The following TRPS1 variants were observed in gnomAD, a reference collection of about 807,000 sequenced individuals.
The protein encoded by TRPS1 is zinc finger transcription factor Trps1.
In TRPS1, 6 loss-of-function variants were observed where a neutral mutation model predicts 101.2. The observed-to-expected ratio is 0.06, with a 90% CI of 0.03 to 0.12. TRPS1 has a LOEUF of 0.12. Among genes scored for constraint, TRPS1 ranks in the 10% least tolerant of loss-of-function variants. The probability of loss-of-function intolerance (pLI) is 1.00; values close to 1 mark genes in which losing one functional copy is unlikely to be tolerated. For synonymous variants in TRPS1, 578 were observed against 589.8 expected, an observed-to-expected ratio of 0.98 and a Z score of 0.29; for missense variants, 1,363 against 1,567.0, an observed-to-expected ratio of 0.87 and a Z score of 2.20.
intron 5 of TRPS1, among the ~76,000 whole-genome samples, chr8:115,455,781 T>C (rs955935859): frequency 1.4e-5 from 2 of 147,640 alleles, no homozygotes; most frequent in Admixed American, 6.7e-5. Flanking sequence ...CTTTCTTTTT[T>C]TTTTTTTTTT....
chr8:115,527,999 A>G (rs1478654017), intron 5 of TRPS1, among the ~76,000 whole-genome samples: 3 of 152,172 alleles, frequency 2.0e-5, no homozygotes, highest in African/African-American at 7.2e-5. Context: ...TCAAAGCATA[A>G]TCAATTGCTT....
intron 5 of TRPS1, among the ~76,000 whole-genome samples, chr8:115,501,475 T>C (rs1357651085): frequency 1.3e-5 from 2 of 152,202 alleles, no homozygotes; most frequent in Non-Finnish European, 2.9e-5. Flanking sequence ...TTTCAACTAA[T>C]ATTTAAAAAC....
intron 5 of TRPS1, among the ~76,000 whole-genome samples, chr8:115,571,993 G>A (rs1373634336): frequency 3.3e-5 from 5 of 151,752 alleles, no homozygotes; most frequent in African/African-American, 9.7e-5. Context: ...GAAGATAAAC[G>A]TTTTGAAGTT....
chr8:115,500,469 T>G (rs1333890813), intron 5 of TRPS1, among the ~76,000 whole-genome samples: 1 of 152,172 alleles, frequency 6.6e-6, no homozygotes, highest in African/African-American at 2.4e-5. Context: ...TTATAATCCA[T>G]CCTTACTGAA....
intron 1 of TRPS1, among the ~76,000 whole-genome samples, chr8:115,631,087 T>A (rs1205148717): frequency 6.6e-6 from 1 of 152,020 alleles, no homozygotes; most frequent in Admixed American, 6.6e-5. Flanking sequence ...GCCTAACACA[T>A]CACCAACATT....
At chr8:115,552,755 TATA>T (rs1162869142) in intron 5 of TRPS1, among the ~76,000 whole-genome samples, 3 of 152,166 alleles carry the variant, frequency 2.0e-5, no homozygotes, top group Non-Finnish European at 4.4e-5. Context: ...ATTTGGTTGT[TATA>T]ATAAGTGTTC....
intron 5 of TRPS1, among the ~76,000 whole-genome samples, chr8:115,572,368 A>T (rs187130633): frequency 6.6e-6 from 1 of 152,332 alleles, no homozygotes; most frequent in Admixed American, 6.5e-5. Flanking sequence ...CCAACTGATA[A>T]GCAACCTCTT....
chr8:115,521,105 C>G (rs897780199), intron 5 of TRPS1, among the ~76,000 whole-genome samples: 38 of 151,530 alleles, frequency 2.5e-4, no homozygotes, highest in African/African-American at 8.2e-4. Flanking sequence ...ACTTTACCTT[C>G]TGTAAGAGTT....
rs544062992 is a variant in TRPS1, at chr8:115,427,444, G to A, written c.2701-8992C>T. Among the ~76,000 whole-genome samples, 272 of 152,196 alleles carry A rather than the reference G, an allele frequency of 1.8e-3. 3 individuals carry two copies. The highest frequency in any genetic ancestry group is 6.8e-3 in the Middle Eastern group (2 of 294). On this transcript the variant is annotated intron_variant, in intron 5 of 6. Transcript: ENST00000395715. ...CTAGTCTCATTATCTGATATCCTCA[G>A]AATGATCCTAAGAGGCAAGTATTAT...
At chr8:115,642,144 T>G (rs1485895206) in intron 1 of TRPS1, among the ~76,000 whole-genome samples, 1 of 150,596 alleles carries the variant, frequency 6.6e-6, no homozygotes, top group Non-Finnish European at 1.5e-5. Flanking sequence ...CGCCCAAGAG[T>G]TCAAGGCTAC....
intron 5 of TRPS1, among the ~76,000 whole-genome samples, chr8:115,486,611 T>C (rs1296439699): frequency 1.3e-5 from 2 of 152,204 alleles, no homozygotes; most frequent in East Asian, 3.8e-4. Flanking sequence ...ATACAAATGA[T>C]AAAATAGCAA....
chr8:115,450,374 T>G (rs916573223), intron 5 of TRPS1, among the ~76,000 whole-genome samples: 1 of 152,194 alleles, frequency 6.6e-6, no homozygotes, highest in Non-Finnish European at 1.5e-5. Flanking sequence ...CCATCTTAAA[T>G]GCTTTGAACA....
At chr8:115,660,749 A>G (rs1304357004) in intron 1 of TRPS1, among the ~76,000 whole-genome samples, 2 of 151,982 alleles carry the variant, frequency 1.3e-5, no homozygotes, top group East Asian at 3.9e-4. Context: ...ATGTACATTA[A>G]CTTCTGACTT....
intron 5 of TRPS1, among the ~76,000 whole-genome samples, chr8:115,558,518 T>G (rs1012718998): frequency 6.6e-6 from 1 of 152,316 alleles, no homozygotes. Flanking sequence ...CTAATCTTGC[T>G]TCTCAATATT....
intron 5 of TRPS1, among the ~76,000 whole-genome samples, chr8:115,562,573 T>C (rs1816971131): frequency 6.6e-6 from 1 of 151,822 alleles, no homozygotes. Context: ...AAAATGTTGT[T>C]GAATTTTAGT....
At chr8:115,580,245 A>AT (rs1554591594) in intron 5 of TRPS1, among the ~76,000 whole-genome samples, 1,663 of 139,840 alleles carry the variant, frequency 0.012, 16 homozygotes, top group East Asian at 0.047. Flanking sequence ...AAAAAAAAAA[A>AT]ATATATATAT....
intron 5 of TRPS1, among the ~76,000 whole-genome samples, chr8:115,574,772 T>C (rs750175810): frequency 7.2e-5 from 11 of 151,972 alleles, no homozygotes; most frequent in Non-Finnish European, 1.5e-4. Flanking sequence ...AAGTGCATTG[T>C]CCTATGAAAT....
At chr8:115,471,049 AAAG>A (rs1214587095) in intron 5 of TRPS1, among the ~76,000 whole-genome samples, 3 of 152,316 alleles carry the variant, frequency 2.0e-5, no homozygotes, top group East Asian at 1.9e-4. Flanking sequence ...TAGAGCCCTC[AAAG>A]GCACTAATGT....
At chr8:115,501,531 C>T (rs963417635) in intron 5 of TRPS1, among the ~76,000 whole-genome samples, 1 of 152,088 alleles carries the variant, frequency 6.6e-6, no homozygotes, top group African/African-American at 2.4e-5. Flanking sequence ...ATCTTCTACA[C>T]CCATATTTTC....
Sources: gnomAD v4.1 joint callset for allele counts (sites outside exome capture counted in the v4.1 genomes callset) on GRCh38, gnomAD v4.1.1 for gene constraint, MANE v1.5 for transcripts, NCBI Gene and HGNC (gene_info 2026-07-23, HGNC 2026-07-21) for gene names.